Variants in FARP2 observed in about 807,000 individuals in gnomAD.
FARP2 encodes FERM, ARH/RhoGEF and pleckstrin domain protein 2, also known as FERM, ARHGEF and pleckstrin domain-containing protein 2.
In FARP2, 111 loss-of-function variants were observed where a neutral mutation model predicts 130.5. The ratio of observed to expected loss-of-function variants is 0.85; its 90% CI spans 0.73 to 1.00. FARP2 has a LOEUF of 1.00. Among genes scored for constraint, FARP2 ranks in the 50% least tolerant of loss-of-function variants. The probability of loss-of-function intolerance (pLI) is 0.00; values close to 1 mark genes in which losing one functional copy is unlikely to be tolerated. For missense variants in FARP2, 1,385 were observed against 1,346.3 expected (o/e 1.03, Z -0.45); for synonymous variants, 504 against 516.9 (o/e 0.98, Z 0.34).
chr2:241,452,581 CTGTT>C (rs1475232646), intron 13 of FARP2, among the ~76,000 whole-genome samples: 1 of 151,698 alleles, frequency 6.6e-6, no homozygotes, highest in East Asian at 1.9e-4. Context: ...GGCAAGAGGA[CTGTT>C]TGAGGCCAGG....
intron 2 of FARP2, among the ~76,000 whole-genome samples, chr2:241,400,470 G>C (rs956469878): frequency 6.6e-6 from 1 of 152,230 alleles, no homozygotes; most frequent in African/African-American, 2.4e-5. Context: ...ACAGTCAGCA[G>C]CAATGCCAAA....
At chr2:241,368,994 C>G (rs1173207954) in intron 1 of FARP2, among the ~76,000 whole-genome samples, 1 of 152,092 alleles carries the variant, frequency 6.6e-6, no homozygotes, top group Non-Finnish European at 1.5e-5. Context: ...AGGGTCATCT[C>G]CTCTCAAGTG....
At chr2:241,410,897 C>T (rs1006591919) in intron 5 of FARP2, 136 bp from the exon 6 acceptor site, 4 of 613,762 alleles carry the variant, frequency 6.5e-6, no homozygotes, top group African/African-American at 3.7e-5. Flanking sequence ...GTTTCGTGAC[C>T]GCCTTGCGTT....
rs1190999716 is a variant in FARP2 at position 241,413,401 on chromosome 2, A to G, written c.603A>G (p.Leu201=). 6.2e-7 allele frequency: 1 copy of G among 1,610,300 alleles called. No homozygotes were observed. ...AGCAGCACTGCCTTGAGAAGATACTAGAATTCCATCAGAAGCACGTGTAAG... is the reference window on the plus strand; with the variant it reads ...AGCAGCACTGCCTTGAGAAGATACTGGAATTCCATCAGAAGCACGTGTAAG... ...PGQQHCLEKI[L]EFHQKHVGQT... is the part of the protein sequence containing the mutation. The change falls in exon 7 of 27, where the codon CTA becomes CTG. Residue 201 remains leucine, a synonymous_variant. Coordinates refer to ENST00000264042, the MANE Select transcript of FARP2 (RefSeq NM_014808.4).
chr2:241,381,001 C>T (rs1575477742), intron 2 of FARP2, among the ~76,000 whole-genome samples: 1 of 152,144 alleles, frequency 6.6e-6, no homozygotes. Context: ...TAAATCTCAG[C>T]CCTTACCCCC....
chr2:241,379,390 T>C (rs1160550787), intron 2 of FARP2, among the ~76,000 whole-genome samples: 1 of 152,264 alleles, frequency 6.6e-6, no homozygotes, highest in Non-Finnish European at 1.5e-5. Flanking sequence ...AAGTGGGGAT[T>C]GCATCTAATG....
In FARP2 at chr2:241,403,884, A is replaced by G. The variant is rs1373053189; in HGVS notation, c.240A>G (p.Val80=). 2 of 1,613,934 alleles carry G rather than the reference A, an allele frequency of 1.2e-6. No homozygotes were observed. The highest frequency in any genetic ancestry group is 4.5e-5 in the East Asian group (2 of 44,882). ...LTQVWKRLNL[V]ECDYFGMEFQ... ...AAGTGTGGAAGCGTTTAAACCTGGT[A>G]GAATGTGACTACTTCGGGATGGAGT... The change falls in exon 3 of 27, where the codon GTA becomes GTG. Residue 80 remains valine (V), a synonymous_variant. Transcript: ENST00000264042.
chr2:241,474,043 A>G (rs2064385965), intron 18 of FARP2, among the ~76,000 whole-genome samples: 1 of 152,034 alleles, frequency 6.6e-6, no homozygotes, highest in Non-Finnish European at 1.5e-5. Flanking sequence ...GCGGTGGCTC[A>G]CGCCTGTAAT....
intron 1 of FARP2, among the ~76,000 whole-genome samples, chr2:241,370,183 G>C (rs2061395295): frequency 6.6e-6 from 1 of 152,092 alleles, no homozygotes; most frequent in African/African-American, 2.4e-5. Context: ...AGTGGATTTG[G>C]AATGTTCCCA....
rs149449652 is a variant in FARP2 at position 241,373,279 on chromosome 2, T to C, written c.172T>C (p.Phe58Leu). 1.5e-5 allele frequency: 22 copies of C among 1,462,566 alleles called. No homozygotes were observed. In the African/African-American group the frequency reaches 2.6e-4, roughly 17 times the overall value. 90.6% of individuals were successfully genotyped at this position (1,462,566 alleles called of 1,614,324 possible). ...VKLLDNTMEI[F>L]DIEPKCDGQV... Reference sequence around the variant, plus strand: ...GCTGCTGGACAACACCATGGAAATATTTGACATTGAGGTAAGAAGCATGAT... The same window carrying C: ...GCTGCTGGACAACACCATGGAAATACTTGACATTGAGGTAAGAAGCATGAT... Residue 58 changes from phenylalanine to leucine, a missense_variant, in exon 2 of 27, where the codon TTT becomes CTT. By Grantham distance (22) the Phe-to-Leu change is conservative (BLOSUM62 0). Coordinates refer to ENST00000264042, the MANE Select transcript of FARP2 (RefSeq NM_014808.4).
chr2:241,452,241 T>A (rs1459764757), intron 13 of FARP2, among the ~76,000 whole-genome samples: 1 of 152,220 alleles, frequency 6.6e-6, no homozygotes, highest in Admixed American at 6.5e-5. Flanking sequence ...TTCCCACACT[T>A]GTTTTCTCAC....
At position 241,461,202 on chromosome 2, in the gene FARP2, C is replaced by T. The variant is rs11901884; in HGVS notation, c.1588-1321C>T. Among the ~76,000 whole-genome samples, 4 of 152,200 alleles carry T rather than the reference C, an allele frequency of 2.6e-5. 1 individual carries two copies. The highest frequency in any genetic ancestry group is 2.6e-4 in the Admixed American group (4 of 15,284). ...AGGCCAAAAACTGCGGCAGTCACCC[C>T]TCCTGCCTCCAACCCTCACACCTTA... On this transcript the variant is annotated intron_variant, in intron 14 of 26. Transcript: ENST00000264042.
chr2:241,460,202 A>G (rs2063977901), intron 14 of FARP2, among the ~76,000 whole-genome samples: 1 of 152,166 alleles, frequency 6.6e-6, no homozygotes, highest in Non-Finnish European at 1.5e-5. Context: ...GGGGCCTCCC[A>G]GACCATAAAC....
chr2:241,481,462 A>G lies in FARP2; in HGVS notation c.2263-2003A>G, dbSNP rs1416646868. ...TCATGTTCTGTGTTAGCCTTGTTAG[A>G]AGAAGGTATTGAAAATGTGGAACTG... On this transcript the variant is annotated intron_variant, in intron 19 of 26. Transcript: ENST00000264042. Among the ~76,000 whole-genome samples, 10 of 152,328 alleles carry G rather than the reference A, an allele frequency of 6.6e-5. No homozygotes were observed. The East Asian group carries it at 1.2e-3, about 18-fold the overall frequency.
intron 17 of FARP2, chr2:241,466,116 G>A (rs959850884): frequency 3.7e-6 from 4 of 1,077,650 alleles, no homozygotes; most frequent in African/African-American, 1.6e-5. Flanking sequence ...GCAGCCAAGA[G>A]CTCTGTCCAC....
rs1342063666 is a variant in FARP2 at position 241,394,509 on chromosome 2, C to T, written c.184-9319C>T. Among the ~76,000 whole-genome samples, 76 of 143,750 alleles carry T rather than the reference C, an allele frequency of 5.3e-4. 1 individual carries two copies. Among genetic ancestry groups the T allele is most frequent in the Middle Eastern group, 3.5e-3 (1 of 282 alleles). 94.3% of individuals were successfully genotyped at this position (143,750 alleles called of 152,430 possible). Reference sequence around the variant, plus strand: ...CTCCAGCCTGGGTGACAGTGCGAGACTCCATCTCAAAAAAAAAAAAAAAAA... The same window carrying T: ...CTCCAGCCTGGGTGACAGTGCGAGATTCCATCTCAAAAAAAAAAAAAAAAA... On this transcript the variant is annotated intron_variant, in intron 2 of 26. Transcript: ENST00000264042.
intron 8 of FARP2, 27 bp downstream of exon 8, chr2:241,418,136 A>G (rs377627655): frequency 1.2e-6 from 2 of 1,613,828 alleles, no homozygotes; most frequent in Non-Finnish European, 1.7e-6. Context: ...GGGAGGGGTG[A>G]GAACAGGGCA....
chr2:241,418,085 C>G lies in FARP2; in HGVS notation c.747C>G (p.Ser249=). The G allele has an allele frequency of 6.2e-7, 1 of 1,614,144 alleles. No homozygotes were observed. ...REGTKIQLAV[S]HMGVLVFQGT... is the part of the protein sequence containing the mutation. Reference sequence around the variant, plus strand: ...GAACCAAGATTCAACTGGCAGTTTCCCACATGGGTGTACTCGTGTTCCAGG... The same window carrying G: ...GAACCAAGATTCAACTGGCAGTTTCGCACATGGGTGTACTCGTGTTCCAGG... Residue 249 remains serine (S), a synonymous_variant, in exon 8 of 27, where the codon TCC becomes TCG. Coordinates refer to ENST00000264042, the MANE Select transcript of FARP2 (RefSeq NM_014808.4).
At chr2:241,447,936 T>G (rs2063549528) in intron 13 of FARP2, among the ~76,000 whole-genome samples, 1 of 152,096 alleles carries the variant, frequency 6.6e-6, no homozygotes, top group Admixed American at 6.5e-5. Flanking sequence ...TCCCCGGGGC[T>G]CTAAAGCACC....
Sources: allele counts gnomAD v4.1 joint callset (sites outside exome capture counted in the v4.1 genomes callset), GRCh38; gene constraint gnomAD v4.1.1; transcripts MANE v1.5; gene names NCBI Gene and HGNC (gene_info 2026-07-23, HGNC 2026-07-21).